Variants in CHST9 observed in about 807,000 individuals in gnomAD.
The protein encoded by CHST9 is GalNAc-4-sulfotransferase 2.
A neutral mutation model predicts 44.4 loss-of-function variants in CHST9; 41 were observed. The ratio of observed to expected loss-of-function variants is 0.92; its 90% CI spans 0.72 to 1.20. The LOEUF is 1.20. Among genes scored for constraint, CHST9 ranks in the 50% most tolerant of loss-of-function variants. CHST9 has a pLI of 0.00. For synonymous variants in CHST9, 171 were observed against 178.4 expected, an observed-to-expected ratio of 0.96 and a Z score of 0.33; for missense variants, 504 against 516.5, an observed-to-expected ratio of 0.98 and a Z score of 0.23.
chr18:27,169,485 C>T (rs533195163), intron 1 of CHST9, among the ~76,000 whole-genome samples: 1 of 151,740 alleles, frequency 6.6e-6, no homozygotes, highest in African/African-American at 2.4e-5. Flanking sequence ...TTTGATAGAA[C>T]ATTCAGACAA....
intron 1 of CHST9, among the ~76,000 whole-genome samples, chr18:27,158,892 A>T (rs1161263490): frequency 3.3e-5 from 5 of 152,260 alleles, no homozygotes; most frequent in African/African-American, 1.2e-4. Flanking sequence ...TTTTGGCTGC[A>T]TAAATGTCTT....
intron 4 of CHST9, among the ~76,000 whole-genome samples, chr18:26,970,537 T>C (rs2056527928): frequency 6.6e-6 from 1 of 152,174 alleles, no homozygotes; most frequent in Non-Finnish European, 1.5e-5. Context: ...AAAGCGATTC[T>C]CCCTCCTCAG....
rs185096378 is a variant in CHST9, at chr18:27,176,615, G to A, written c.-97+8521C>T. Among the ~76,000 whole-genome samples the A allele has an allele frequency of 8.5e-5, 13 of 152,092 alleles. No individual in the cohort carries two copies. The South Asian group carries it at 2.1e-3, about 24-fold the overall frequency. On this transcript the variant is annotated intron_variant, in intron 1 of 5. Coordinates refer to ENST00000618847, the MANE Select transcript of CHST9 (RefSeq NM_031422.6). Reference sequence around the variant, plus strand: ...TAAGATAGACAAGAAGAAATGCCAGGTGTATGAGCTGTATCTACAAGTGGG... The same window carrying A: ...TAAGATAGACAAGAAGAAATGCCAGATGTATGAGCTGTATCTACAAGTGGG...
At chr18:27,024,304 T>C in intron 3 of CHST9, 147 bp from the exon 4 acceptor site, 1 of 647,464 alleles carries the variant, frequency 1.5e-6, no homozygotes, top group South Asian at 2.1e-5. Flanking sequence ...TGAAATAAAA[T>C]GTGTCATCCC....
chr18:27,059,884 T>C (rs1200160902), intron 2 of CHST9, among the ~76,000 whole-genome samples: 1 of 152,254 alleles, frequency 6.6e-6, no homozygotes, highest in African/African-American at 2.4e-5. Context: ...GGGAAGCCGA[T>C]ATTTCATGGA....
chr18:26,938,250 G>A (rs1221454254), intron 5 of CHST9, among the ~76,000 whole-genome samples: 2 of 152,066 alleles, frequency 1.3e-5, no homozygotes, highest in African/African-American at 4.8e-5. Context: ...TTACACTTAA[G>A]TATTTTCTAG....
At chr18:26,950,774 C>T (rs948360718) in intron 4 of CHST9, among the ~76,000 whole-genome samples, 2 of 152,158 alleles carry the variant, frequency 1.3e-5, no homozygotes, top group African/African-American at 4.8e-5. Flanking sequence ...GTACCGTGCA[C>T]ACTGCTTAGG....
intron 4 of CHST9, among the ~76,000 whole-genome samples, chr18:26,994,319 G>A (rs568485677): frequency 6.6e-6 from 1 of 152,106 alleles, no homozygotes; most frequent in Non-Finnish European, 1.5e-5. Context: ...TTTTCTGAGG[G>A]CTAAAGTGAC....
chr18:26,942,310 T>C (rs773300677), intron 5 of CHST9, among the ~76,000 whole-genome samples: 17 of 152,148 alleles, frequency 1.1e-4, no homozygotes, highest in Non-Finnish European at 2.4e-4. Context: ...GAATAGAAAT[T>C]TCACTGTAGG....
intron 5 of CHST9, chr18:26,928,100 G>A (rs747751090): frequency 6.5e-6 from 1 of 152,966 alleles, no homozygotes; most frequent in African/African-American, 2.4e-5. Context: ...GGGGAGCACA[G>A]GGTTGGGGGT....
intron 2 of CHST9, among the ~76,000 whole-genome samples, chr18:27,099,287 T>A (rs2058147755): frequency 1.3e-5 from 2 of 152,080 alleles, no homozygotes; most frequent in South Asian, 4.2e-4. Flanking sequence ...GGGAAATAAC[T>A]TAAAAGTAAG....
chr18:27,181,322 C>T (rs1057216654), intron 1 of CHST9, among the ~76,000 whole-genome samples: 1 of 152,190 alleles, frequency 6.6e-6, no homozygotes, highest in East Asian at 1.9e-4. Context: ...ACCCATTTTG[C>T]CCTAGAGCTT....
chr18:27,123,323 C>T (rs551853691), intron 2 of CHST9, among the ~76,000 whole-genome samples: 1 of 152,256 alleles, frequency 6.6e-6, no homozygotes, highest in Admixed American at 6.5e-5. Context: ...AAAAGTAGTG[C>T]CAATTCAGAG....
At chr18:27,058,443 C>T (rs1261461599) in intron 2 of CHST9, among the ~76,000 whole-genome samples, 1 of 152,140 alleles carries the variant, frequency 6.6e-6, no homozygotes, top group East Asian at 1.9e-4. Flanking sequence ...CTCTGCAGGC[C>T]TAGTAACTTG....
chr18:26,999,934 A>G (rs1381003744), intron 4 of CHST9, among the ~76,000 whole-genome samples: 2 of 152,246 alleles, frequency 1.3e-5, no homozygotes, highest in African/African-American at 4.8e-5. Context: ...CCAACTATTT[A>G]GTAGCTGGTT....
chr18:27,113,865 A>C (rs1379657280), intron 2 of CHST9, among the ~76,000 whole-genome samples: 4 of 152,230 alleles, frequency 2.6e-5, no homozygotes, highest in Admixed American at 6.5e-5. Context: ...ATTTAGTTTA[A>C]TATAGCTAAT....
At chr18:27,024,065 C>G (rs750360194) in intron 4 of CHST9, 51 bp downstream of exon 4, 3 of 1,547,042 alleles carry the variant, frequency 1.9e-6, no homozygotes, top group Admixed American at 1.7e-5. Context: ...AGTTGTTGCT[C>G]TGCTTATCTA....
intron 2 of CHST9, among the ~76,000 whole-genome samples, chr18:27,057,958 C>T (rs1357851511): frequency 6.6e-6 from 1 of 152,170 alleles, no homozygotes; most frequent in African/African-American, 2.4e-5. Flanking sequence ...AACAACAGCC[C>T]CTTTCAGATT....
At chr18:27,002,936 T>C (rs952618939) in intron 4 of CHST9, among the ~76,000 whole-genome samples, 20 of 152,148 alleles carry the variant, frequency 1.3e-4, no homozygotes, top group African/African-American at 3.9e-4. Context: ...TTTTACTAAG[T>C]TAAAAAACTG....
Sources: allele counts gnomAD v4.1 joint callset (sites outside exome capture counted in the v4.1 genomes callset), GRCh38; gene constraint gnomAD v4.1.1; transcripts MANE v1.5; gene names NCBI Gene and HGNC (gene_info 2026-07-23, HGNC 2026-07-21).